TRIP4: variants seen among roughly 807,000 people sequenced by gnomAD.
TRIP4 encodes activating signal cointegrator 1.
TRIP4 carries 54 observed loss-of-function variants against 81.8 expected under a neutral mutation model. That is an observed-to-expected ratio of 0.66 (90% CI 0.53 to 0.83). TRIP4 has a LOEUF of 0.83. Among genes scored for constraint, TRIP4 ranks in the 40% least tolerant of loss-of-function variants. The probability of loss-of-function intolerance (pLI) is 0.00; values close to 1 mark genes in which losing one functional copy is unlikely to be tolerated. For synonymous variants in TRIP4, 270 were observed against 242.8 expected (o/e 1.11, Z -1.04); for missense variants, 662 against 683.6 (o/e 0.97, Z 0.35).
intron 1 of TRIP4, chr15:64,393,724 T>C (rs1006971606): frequency 1.5e-5 from 5 of 340,704 alleles, no homozygotes; most frequent in Admixed American, 1.4e-4. Context: ...GTAATCGTTT[T>C]GGTGTATAAC....
chr15:64,418,837 A>G (rs1006445023), intron 9 of TRIP4, 109 bp downstream of exon 9: 4 of 1,004,656 alleles, frequency 4.0e-6, no homozygotes, highest in Non-Finnish European at 5.5e-6. Flanking sequence ...GATTTATAAT[A>G]CTCTTCAATA....
At chr15:64,395,560 T>C in intron 3 of TRIP4, 29 bp downstream of exon 3, 2 of 1,589,078 alleles carry the variant, frequency 1.3e-6, no homozygotes, top group Non-Finnish European at 1.7e-6. Context: ...AAGCTTTTTC[T>C]GACTATTGGA....
At chr15:64,414,276 A>G (rs1891839068) in intron 8 of TRIP4, 65 bp downstream of exon 8, 15 of 1,598,426 alleles carry the variant, frequency 9.4e-6, no homozygotes, top group Admixed American at 3.4e-5. Context: ...TCTTTTAAGT[A>G]TGTCTATTTC....
At chr15:64,421,028 G>A (rs960911422) in intron 9 of TRIP4, among the ~76,000 whole-genome samples, 5 of 151,440 alleles carry the variant, frequency 3.3e-5, no homozygotes, top group East Asian at 4.0e-4. Context: ...TTAGAATACC[G>A]GCCGGTCACG....
intron 12 of TRIP4, among the ~76,000 whole-genome samples, chr15:64,451,278 A>G (rs540597991): frequency 6.4e-4 from 96 of 151,044 alleles, no homozygotes; most frequent in African/African-American, 2.2e-3. Flanking sequence ...ACACCCAACT[A>G]ATTTTTGTAT....
At chr15:64,403,841 G>A (rs572359235) in intron 5 of TRIP4, among the ~76,000 whole-genome samples, 2 of 152,212 alleles carry the variant, frequency 1.3e-5, no homozygotes, top group African/African-American at 4.8e-5. Flanking sequence ...ATGTTACTAT[G>A]TCAAATAATG....
intron 11 of TRIP4, among the ~76,000 whole-genome samples, chr15:64,435,357 T>TAA (rs144129509): frequency 6.7e-4 from 100 of 149,072 alleles, no homozygotes; most frequent in South Asian, 2.1e-3. Flanking sequence ...CCATCTCTGC[T>TAA]AAAAAAAATA....
At position 64,418,469 on chromosome 15, in the gene TRIP4, C is replaced by T. The variant is rs188757575; in HGVS notation, c.1171-72C>T. ...ATATGATTTCCTCATTATTAGCATTCGCATCATTTTGTCTACCTACCCCAG... is the reference window on the plus strand; with the variant it reads ...ATATGATTTCCTCATTATTAGCATTTGCATCATTTTGTCTACCTACCCCAG... On this transcript the variant is annotated intron_variant, in intron 8 of 12. Coordinates refer to ENST00000261884, the MANE Select transcript of TRIP4 (RefSeq NM_016213.5). The T allele has an allele frequency of 8.6e-5, 121 of 1,404,134 alleles. 1 individual carries two copies. In the Admixed American group the frequency reaches 1.2e-3, roughly 14 times the overall value. 87.0% of individuals were successfully genotyped at this position (1,404,134 alleles called of 1,614,324 possible). A position where few individuals can be genotyped will look rare whatever the true frequency, so the allele number is the denominator to read the frequency against.
chr15:64,431,935 G>A lies in TRIP4; in HGVS notation c.1575+6304G>A, dbSNP rs538345036. Among the ~76,000 whole-genome samples the A allele has an allele frequency of 1.7e-4, 24 of 138,268 alleles. No individual in the cohort carries two copies. In the South Asian group the frequency reaches 4.7e-3, roughly 27 times the overall value. The allele number at this position is 138,268 out of a possible 152,430, so 90.7% of individuals were successfully genotyped here. On this transcript the variant is annotated intron_variant, in intron 11 of 12. Coordinates refer to ENST00000261884, the MANE Select transcript of TRIP4 (RefSeq NM_016213.5). ...GTCGTACTCTGTCGTCCAGGGTGGT[G>A]GAGTGCAGTGGAGTGATCTTGGCTC...
intron 8 of TRIP4, among the ~76,000 whole-genome samples, chr15:64,415,372 G>C (rs537488361): frequency 6.6e-6 from 1 of 152,290 alleles, no homozygotes; most frequent in African/African-American, 2.4e-5. Flanking sequence ...TCCTAGGGCT[G>C]CTGTAACAAA....
intron 8 of TRIP4, 53 bp from the exon 9 acceptor site, chr15:64,418,488 A>C (rs1181160149): frequency 6.6e-7 from 1 of 1,504,150 alleles, no homozygotes; most frequent in Non-Finnish European, 8.9e-7. Context: ...TTGTCTACCT[A>C]CCCCAGATTC....
chr15:64,409,083 C>T (rs545343847), intron 6 of TRIP4, among the ~76,000 whole-genome samples: 1 of 151,936 alleles, frequency 6.6e-6, no homozygotes, highest in South Asian at 2.1e-4. Flanking sequence ...CATGGTGTTG[C>T]GCCTATAATC....
intron 11 of TRIP4, among the ~76,000 whole-genome samples, chr15:64,436,034 C>T (rs548782932): frequency 3.3e-5 from 5 of 152,118 alleles, no homozygotes; most frequent in Non-Finnish European, 5.9e-5. Flanking sequence ...GTGGCTCACA[C>T]CTGTAATCCC....
At chr15:64,420,035 T>C (rs1157763626) in intron 9 of TRIP4, among the ~76,000 whole-genome samples, 2 of 151,758 alleles carry the variant, frequency 1.3e-5, no homozygotes, top group Non-Finnish European at 2.9e-5. Context: ...AGGCTGGTCT[T>C]GAACTCCTAA....
At chr15:64,419,900 C>G (rs922154606) in intron 9 of TRIP4, among the ~76,000 whole-genome samples, 6 of 151,954 alleles carry the variant, frequency 3.9e-5, no homozygotes, top group Admixed American at 3.9e-4. Context: ...ACTGCAACCT[C>G]TGCCTCCCAG....
intron 1 of TRIP4, 110 bp downstream of exon 1, chr15:64,388,074 G>A (rs1900002810): frequency 7.1e-7 from 1 of 1,417,746 alleles, no homozygotes; most frequent in Admixed American, 2.8e-5. Flanking sequence ...TGATAAAGGG[G>A]CTGCAGTCTG....
At chr15:64,444,811 A>T (rs1029814460) in intron 11 of TRIP4, 195 bp from the exon 12 acceptor site, 4 of 311,582 alleles carry the variant, frequency 1.3e-5, no homozygotes, top group Non-Finnish European at 1.7e-5. Context: ...GGCAGGCAAT[A>T]GACTGTATAA....
At chr15:64,441,025 C>T (rs1227535565) in intron 11 of TRIP4, among the ~76,000 whole-genome samples, 1 of 151,284 alleles carries the variant, frequency 6.6e-6, no homozygotes, top group Non-Finnish European at 1.5e-5. Flanking sequence ...CCGAGTCTCG[C>T]TCTGTCACCC....
At chr15:64,445,159 ATGGGG>A in intron 12 of TRIP4, 51 bp downstream of exon 12, 1 of 996,664 alleles carries the variant, frequency 1.0e-6, no homozygotes, top group African/African-American at 1.6e-5. Context: ...GTAGTAAGGA[ATGGGG>A]AAAAAAGTAG....
Sources: allele counts gnomAD v4.1 joint callset (sites outside exome capture counted in the v4.1 genomes callset), GRCh38; gene constraint gnomAD v4.1.1; transcripts MANE v1.5; gene names NCBI Gene and HGNC (gene_info 2026-07-23, HGNC 2026-07-21).